The following ROBO2 variants were observed in gnomAD, a reference collection of about 807,000 sequenced individuals.
The protein encoded by ROBO2 is roundabout guidance receptor 2, also known as roundabout homolog 2.
A neutral mutation model predicts 160.8 loss-of-function variants in ROBO2; 53 were observed. That is an observed-to-expected ratio of 0.33 (90% CI 0.26 to 0.41). ROBO2 has a LOEUF of 0.41. ROBO2 is among the 10% of genes least tolerant of loss of function. The pLI, the probability that ROBO2 is intolerant of heterozygous loss-of-function variation, is 1.00. For missense variants in ROBO2, 1,577 were observed against 1,722.4 expected, an observed-to-expected ratio of 0.92 and a Z score of 1.49; for synonymous variants, 664 against 611.7, an observed-to-expected ratio of 1.09 and a Z score of -1.26.
chr3:77,321,871 T>G (rs1457425588), intron 2 of ROBO2, among the ~76,000 whole-genome samples: 2 of 152,108 alleles, frequency 1.3e-5, no homozygotes, highest in Non-Finnish European at 2.9e-5. Context: ...GCCCTTTGTT[T>G]GAGACGGATG....
chr3:77,581,611 C>G (rs2093921048), intron 16 of ROBO2, among the ~76,000 whole-genome samples: 1 of 152,054 alleles, frequency 6.6e-6, no homozygotes, highest in Admixed American at 6.6e-5. Context: ...TTTAATTCCC[C>G]TGAGGCCAGA....
chr3:76,027,026 G>C (rs1239418354), intron 2 of ROBO2, among the ~76,000 whole-genome samples: 1 of 151,826 alleles, frequency 6.6e-6, no homozygotes, highest in Non-Finnish European at 1.5e-5. Context: ...CTGATGCAAA[G>C]AAAGCCCACC....
intron 2 of ROBO2, among the ~76,000 whole-genome samples, chr3:76,603,372 A>AAAAAT (rs2087385402): frequency 2.2e-5 from 3 of 137,472 alleles, no homozygotes; most frequent in Admixed American, 7.3e-5. Context: ...ATATATATAT[A>AAAAAT]TATATATATA....
At chr3:76,185,809 A>G (rs1701734431) in intron 2 of ROBO2, among the ~76,000 whole-genome samples, 2 of 152,114 alleles carry the variant, frequency 1.3e-5, no homozygotes, top group Non-Finnish European at 2.9e-5. Context: ...AGAACACCAA[A>G]TGGAGATATT....
At chr3:76,932,659 T>C (rs2077422904) in intron 2 of ROBO2, among the ~76,000 whole-genome samples, 1 of 152,206 alleles carries the variant, frequency 6.6e-6, no homozygotes, top group South Asian at 2.1e-4. Context: ...AATCATGATG[T>C]TATTTTTGCT....
At chr3:76,059,611 T>G (rs1282075518) in intron 2 of ROBO2, among the ~76,000 whole-genome samples, 1 of 152,160 alleles carries the variant, frequency 6.6e-6, no homozygotes, top group South Asian at 2.1e-4. Context: ...GCCTGTTCAC[T>G]CTGATGGTAG....
chr3:77,293,563 A>T (rs996775971), intron 2 of ROBO2, among the ~76,000 whole-genome samples: 3 of 147,768 alleles, frequency 2.0e-5, no homozygotes, highest in African/African-American at 7.9e-5. Flanking sequence ...ACATAAAGTA[A>T]AATTGACGGG....
At chr3:77,413,130 C>T (rs976661395) in intron 2 of ROBO2, among the ~76,000 whole-genome samples, 2 of 151,504 alleles carry the variant, frequency 1.3e-5, no homozygotes, top group South Asian at 4.2e-4. Flanking sequence ...CTGAAAGGAA[C>T]AAAAGAGACC....
At chr3:77,358,001 TG>T (rs756122448) in intron 2 of ROBO2, among the ~76,000 whole-genome samples, 39 of 152,156 alleles carry the variant, frequency 2.6e-4, no homozygotes, top group Non-Finnish European at 4.3e-4. Context: ...AGGAAGATCC[TG>T]TTTAAAATGT....
At chr3:77,416,630 T>C (rs2077245922) in intron 2 of ROBO2, among the ~76,000 whole-genome samples, 1 of 143,546 alleles carries the variant, frequency 7.0e-6, no homozygotes, top group Non-Finnish European at 1.5e-5. Context: ...GGCAGGAGAA[T>C]CACTTGAAAC....
intron 2 of ROBO2, among the ~76,000 whole-genome samples, chr3:76,628,206 C>T (rs2089788066): frequency 6.6e-6 from 1 of 152,084 alleles, no homozygotes; most frequent in Non-Finnish European, 1.5e-5. Flanking sequence ...TCAGTTCCCA[C>T]TTAATACTTG....
chr3:76,453,926 G>C (rs1181651677), intron 2 of ROBO2, among the ~76,000 whole-genome samples: 1 of 151,998 alleles, frequency 6.6e-6, no homozygotes, highest in Non-Finnish European at 1.5e-5. Flanking sequence ...AAAGAAATAA[G>C]GACATTCATG....
chr3:77,536,166 G>T (rs867373701), intron 6 of ROBO2, among the ~76,000 whole-genome samples: 1 of 152,038 alleles, frequency 6.6e-6, no homozygotes, highest in Non-Finnish European at 1.5e-5. Flanking sequence ...ATTACTTGCC[G>T]GAGGCCTTCA....
At chr3:76,812,909 A>AATTTTTTTT (rs2065318783) in intron 2 of ROBO2, among the ~76,000 whole-genome samples, 3 of 104,656 alleles carry the variant, frequency 2.9e-5, no homozygotes, top group South Asian at 7.2e-4. Flanking sequence ...AGAAGTATAA[A>AATTTTTTTT]TTTTTTTTTT....
chr3:77,318,750 T>C (rs1420630425), intron 2 of ROBO2, among the ~76,000 whole-genome samples: 2 of 152,084 alleles, frequency 1.3e-5, no homozygotes, highest in African/African-American at 2.4e-5. Flanking sequence ...ATGCCTAGGA[T>C]ACAGTAATTG....
intron 2 of ROBO2, among the ~76,000 whole-genome samples, chr3:76,936,850 C>T (rs1301843841): frequency 1.3e-5 from 2 of 151,342 alleles, no homozygotes; most frequent in African/African-American, 4.9e-5. Flanking sequence ...AATTGAAACA[C>T]CTAGTTAAAT....
chr3:76,552,027 G>A (rs2083453068), intron 2 of ROBO2, among the ~76,000 whole-genome samples: 1 of 152,120 alleles, frequency 6.6e-6, no homozygotes, highest in South Asian at 2.1e-4. Context: ...AGAAGGTGCT[G>A]CCAGCCACAG....
intron 2 of ROBO2, among the ~76,000 whole-genome samples, chr3:76,329,506 C>T (rs907478381): frequency 4.6e-5 from 7 of 152,322 alleles, no homozygotes; most frequent in African/African-American, 1.4e-4. Context: ...GCCTGAGCCA[C>T]GGCATCCGTC....
chr3:77,542,549 A>T (rs2092516498), intron 6 of ROBO2, among the ~76,000 whole-genome samples: 1 of 152,214 alleles, frequency 6.6e-6, no homozygotes, highest in Admixed American at 6.5e-5. Context: ...ATTTTATAGG[A>T]TAAATAACAG....
Sources: gnomAD v4.1 joint callset for allele counts (sites outside exome capture counted in the v4.1 genomes callset) on GRCh38, gnomAD v4.1.1 for gene constraint, MANE v1.5 for transcripts, NCBI Gene and HGNC (gene_info 2026-07-23, HGNC 2026-07-21) for gene names.